ZNF750: variants seen among roughly 807,000 people sequenced by gnomAD.
ZNF750 encodes protein ZNF750.
Under a neutral mutation model 31.6 loss-of-function variants are expected in ZNF750, and 10 were observed. The ratio of observed to expected loss-of-function variants is 0.32; its 90% CI spans 0.19 to 0.54. The LOEUF (loss-of-function observed/expected upper bound fraction) is 0.54, where lower values mean the gene tolerates loss of function less well. Among genes scored for constraint, ZNF750 ranks in the 20% least tolerant of loss-of-function variants. The probability of loss-of-function intolerance (pLI) is 0.95; values close to 1 mark genes in which losing one functional copy is unlikely to be tolerated. For synonymous variants in ZNF750, 400 were observed against 404.9 expected (o/e 0.99, Z 0.15); for missense variants, 914 against 934.9 (o/e 0.98, Z 0.29).
At chr17:82,834,614 A>T (rs1005600989) in intron 1 of ZNF750, among the ~76,000 whole-genome samples, 8 of 151,888 alleles carry the variant, frequency 5.3e-5, no homozygotes, top group Non-Finnish European at 1.0e-4. Context: ...AAACTAACGC[A>T]GGAAGAGAAA....
chr17:82,832,224 G>C lies in ZNF750; in HGVS notation c.231C>G (p.Asn77Lys), dbSNP rs2053584714. 1.2e-6 allele frequency: 2 copies of C among 1,614,142 alleles called. No homozygotes were observed. The highest frequency in any genetic ancestry group is 2.7e-5 in the African/African-American group (2 of 74,952). The change falls in exon 2 of 3, where the codon AAC becomes AAG. Residue 77 changes from asparagine to lysine, a missense_variant. Physicochemically the swap from Asn to Lys is moderately conservative, Grantham distance 94. This residue lies in a region of ZNF750 where 880 missense variants were observed against 868.9 expected (regional missense o/e 1.01). Transcript: ENST00000269394. The surrounding 1 kb of genome is among the most constrained non-coding windows in gnomAD (Gnocchi z 4.9). ...CTGGCTTCGCCGTGGCATCGGGCTG[G>C]TTGGTTTGCTTGGGGTCTAGTGAGT... ...KSNSLDPKQTNQPDATAKPAS... is the reference protein window; with the variant it reads ...KSNSLDPKQTKQPDATAKPAS...
At chr17:82,834,303 G>A (rs551602429) in intron 1 of ZNF750, among the ~76,000 whole-genome samples, 3 of 152,332 alleles carry the variant, frequency 2.0e-5, no homozygotes, top group African/African-American at 7.2e-5. Flanking sequence ...GGCCTGGAGC[G>A]ACTCAAGCAG....
rs907901548 is a variant in ZNF750 at position 82,833,714 on chromosome 17, C to T, written c.-182-1078G>A. Among the ~76,000 whole-genome samples, 29 of 152,150 alleles carry T rather than the reference C, an allele frequency of 1.9e-4. No homozygotes were observed. Among genetic ancestry groups the T allele is most frequent in the African/African-American group, 5.8e-4 (24 of 41,428 alleles). ...AGGAGACCAGAGTGAGTAGTATCCG[C>T]TTTAGAGATGGTTGGGTCATGGGAG... On this transcript the variant is annotated intron_variant, in intron 1 of 2. Coordinates refer to ENST00000269394, the MANE Select transcript of ZNF750 (RefSeq NM_024702.3). This position sits in a 1 kb window ranked among gnomAD's most constrained non-coding sequence, Gnocchi z 4.7.
rs768508186 is a variant in ZNF750, at chr17:82,831,417, G to A, written c.1038C>T (p.Ser346=). 1.2e-6 allele frequency: 2 copies of A among 1,614,210 alleles called. No individual in the cohort carries two copies. The highest frequency in any genetic ancestry group is 1.1e-5 in the South Asian group (1 of 91,090). Reference sequence around the variant, plus strand: ...GGGTGGCTTCTTCAAGCAGGTGAGAGCTCTGATCTCGGGTGAGGCCAGTGA... The same window carrying A: ...GGGTGGCTTCTTCAAGCAGGTGAGAACTCTGATCTCGGGTGAGGCCAGTGA... ...PPVTGLTRDQ[S]SHLLEEATLV... The change falls in exon 2 of 3, where the codon AGC becomes AGT. Residue 346 remains serine (S), a synonymous_variant. Coordinates refer to ENST00000269394, the MANE Select transcript of ZNF750 (RefSeq NM_024702.3). The surrounding 1 kb of genome is among the most constrained non-coding windows in gnomAD (Gnocchi z 4.6).
Position 82,830,830 on chromosome 17 carries a change from G to C in ZNF750, c.1484C>G (p.Ser495Cys), listed in dbSNP as rs1333844309. ...GDPPAPTGSA[S>C]LVSEAAPSSP... ...GGAAGGCGCGGCCTCCGAGACGAGA[G>C]AGGCGCTTCCGGTCGGAGCAGGAGG... Residue 495 changes from serine to cysteine, a missense_variant, in exon 3 of 3, where the codon TCT (serine) becomes TGT (cysteine). Ser to Cys is a moderately radical substitution (Grantham distance 112, BLOSUM62 -1). Transcript: ENST00000269394. 2 of 1,613,314 alleles carry C rather than the reference G, an allele frequency of 1.2e-6. No individual in the cohort carries two copies. Among genetic ancestry groups the C allele is most frequent in the South Asian group, 2.2e-5 (2 of 91,082 alleles).
Position 82,829,879 on chromosome 17 carries a change from G to C in ZNF750, c.*263C>G, listed in dbSNP as rs2053320825. On this transcript the variant is annotated 3_prime_UTR_variant, in exon 3 of 3. Coordinates refer to ENST00000269394, the MANE Select transcript of ZNF750 (RefSeq NM_024702.3). ...TTTATAAAAGATCTTCTGTAAGACA[G>C]CTTAGACTTGAAAATACATATCAGT... 1.8e-6 allele frequency: 1 copy of C among 548,474 alleles called. No individual in the cohort carries two copies. The highest frequency in any genetic ancestry group is 3.2e-5 in the Admixed American group (1 of 31,014). The allele number at this position is 548,474 out of a possible 1,614,324, so 34.0% of individuals were successfully genotyped here.
chr17:82,834,199 T>TAG (rs1284190450), intron 1 of ZNF750, among the ~76,000 whole-genome samples: 2 of 152,064 alleles, frequency 1.3e-5, no homozygotes, highest in African/African-American at 4.8e-5. Flanking sequence ...CCACCTGCCT[T>TAG]AGCCTCCCAA....
intron 1 of ZNF750, among the ~76,000 whole-genome samples, chr17:82,837,421 A>G (rs1233646953): frequency 1.3e-5 from 2 of 152,208 alleles, no homozygotes; most frequent in Non-Finnish European, 2.9e-5. Flanking sequence ...AGCTGTTTAC[A>G]GTAATTTGGA....
chr17:82,837,880 A>G (rs977285528), intron 1 of ZNF750, among the ~76,000 whole-genome samples: 1 of 152,258 alleles, frequency 6.6e-6, no homozygotes, highest in African/African-American at 2.4e-5. Flanking sequence ...CAAGCAGCCA[A>G]TGTAGACAGT....
At position 82,829,683 on chromosome 17, in the gene ZNF750, T is replaced by G. The variant is rs1021384881; in HGVS notation, c.*459A>C. On this transcript the variant is annotated 3_prime_UTR_variant, in exon 3 of 3. Coordinates refer to ENST00000269394, the MANE Select transcript of ZNF750 (RefSeq NM_024702.3). ...CTCTTGATGTTTGTGTGTTATTTAG[T>G]TATACAAATCACATTTTTCTTTTTT... 12 of 174,758 alleles carry G rather than the reference T, an allele frequency of 6.9e-5. No homozygotes were observed. The highest frequency in any genetic ancestry group is 1.1e-4 in the Non-Finnish European group (9 of 80,328). 10.8% of individuals were successfully genotyped at this position (174,758 alleles called of 1,614,324 possible).
In ZNF750 at chr17:82,833,550, G is replaced by A. The variant is rs1425337191; in HGVS notation, c.-182-914C>T. 6.6e-6 allele frequency among the ~76,000 whole-genome samples: 1 copy of A among 152,194 alleles called. No homozygotes were observed. Among genetic ancestry groups the A allele is most frequent in the Non-Finnish European group, 1.5e-5 (1 of 68,046 alleles). On this transcript the variant is annotated intron_variant, in intron 1 of 2. Transcript: ENST00000269394. The surrounding 1 kb of genome is among the most constrained non-coding windows in gnomAD (Gnocchi z 4.7). ...TACTGTTGGTGAATTTGTACATCCT[G>A]TGAGTGACAGCAGCATTGTGAGACA...
rs979897635 is a variant in ZNF750, at chr17:82,833,042, G to A, written c.-182-406C>T. On this transcript the variant is annotated intron_variant, in intron 1 of 2. Coordinates refer to ENST00000269394, the MANE Select transcript of ZNF750 (RefSeq NM_024702.3). This position sits in a 1 kb window ranked among gnomAD's most constrained non-coding sequence, Gnocchi z 4.7. ...AGCCCCCTCCCAGGGTCTGGACAGAGTCCTGTCCCAGGGCTGCCCGACTCT... is the reference window on the plus strand; with the variant it reads ...AGCCCCCTCCCAGGGTCTGGACAGAATCCTGTCCCAGGGCTGCCCGACTCT... Among the ~76,000 whole-genome samples, 3 of 152,130 alleles carry A rather than the reference G, an allele frequency of 2.0e-5. No individual in the cohort carries two copies. Among genetic ancestry groups the A allele is most frequent in the African/African-American group, 7.2e-5 (3 of 41,428 alleles).
chr17:82,834,195 G>A (rs1216311389), intron 1 of ZNF750, among the ~76,000 whole-genome samples: 3 of 152,134 alleles, frequency 2.0e-5, no homozygotes, highest in Non-Finnish European at 4.4e-5. Context: ...TGATCCACCT[G>A]CCTTAGCCTC....
intron 1 of ZNF750, among the ~76,000 whole-genome samples, chr17:82,837,484 G>A (rs1034032290): frequency 1.3e-5 from 2 of 152,182 alleles, no homozygotes; most frequent in Non-Finnish European, 2.9e-5. Context: ...AGTGCGGAGC[G>A]TCTTTCTCTC....
intron 1 of ZNF750, chr17:82,839,079 C>T (rs551890495): frequency 5.4e-6 from 4 of 735,870 alleles, no homozygotes; most frequent in Non-Finnish European, 6.6e-6. Flanking sequence ...AACTTAACCC[C>T]TTTGGTTTGG....
At chr17:82,838,951 C>A in intron 1 of ZNF750, 8 of 985,380 alleles carry the variant, frequency 8.1e-6, no homozygotes, top group Non-Finnish European at 9.6e-6. Context: ...TGTGGACGGA[C>A]TGTGCTTGGT....
chr17:82,838,886 G>A (rs757929558), intron 1 of ZNF750: 4 of 985,364 alleles, frequency 4.1e-6, no homozygotes, highest in Non-Finnish European at 4.8e-6. Context: ...CTGAAACTCC[G>A]GTCAGAAATG....
In ZNF750 at chr17:82,832,572, C is replaced by G; in HGVS notation, c.-118G>C. 1.1e-6 allele frequency: 1 copy of G among 871,576 alleles called. No homozygotes were observed. The allele number at this position is 871,576 out of a possible 1,614,324, so 54.0% of individuals were successfully genotyped here. On this transcript the variant is annotated 5_prime_UTR_variant, in exon 2 of 3. Coordinates refer to ENST00000269394, the MANE Select transcript of ZNF750 (RefSeq NM_024702.3). The surrounding 1 kb of genome is among the most constrained non-coding windows in gnomAD (Gnocchi z 4.9). ...GCTTTGCTTTCTTTCCCGATCACTTCTATCAGAAGCCAGCTCTGCGTGCTG... is the reference window on the plus strand; with the variant it reads ...GCTTTGCTTTCTTTCCCGATCACTTGTATCAGAAGCCAGCTCTGCGTGCTG...
Position 82,829,933 on chromosome 17 carries a change from CA to C in ZNF750, c.*208del. ...AGAGTCATTCAGGTGTTTTTACAACCAAAAGTAGAAGCACCTTTTAATATTC... is the reference window on the plus strand; with the variant it reads ...AGAGTCATTCAGGTGTTTTTACAACCAAAGTAGAAGCACCTTTTAATATTC... On this transcript the variant is annotated 3_prime_UTR_variant, in exon 3 of 3. Transcript: ENST00000269394. 1.2e-6 allele frequency: 1 copy of C among 802,842 alleles called. No individual in the cohort carries two copies. Among genetic ancestry groups the C allele is most frequent in the South Asian group, 1.9e-5 (1 of 53,862 alleles). The allele number at this position is 802,842 out of a possible 1,614,324, so 49.7% of individuals were successfully genotyped here. A position where few individuals can be genotyped will look rare whatever the true frequency, so the allele number is the denominator to read the frequency against.
Sources: allele counts gnomAD v4.1 joint callset (sites outside exome capture counted in the v4.1 genomes callset), GRCh38; gene constraint gnomAD v4.1.1; regional missense constraint gnomAD v4.1.1; non-coding constraint Gnocchi (gnomAD v3.1); transcripts MANE v1.5; gene names NCBI Gene and HGNC (gene_info 2026-07-23, HGNC 2026-07-21).